The following GRIP1 variants were observed in gnomAD, a reference collection of about 807,000 sequenced individuals.
GRIP1 encodes glutamate receptor interacting protein 1.
Under a neutral mutation model 129.9 loss-of-function variants are expected in GRIP1, and 45 were observed. The ratio of observed to expected loss-of-function variants is 0.35; its 90% CI spans 0.27 to 0.44. GRIP1 has a LOEUF of 0.44. Ranked by LOEUF, GRIP1 falls within the 20% of genes least tolerant of loss-of-function variation. The pLI is 1.00. For synonymous variants in GRIP1, 530 were observed against 520.8 expected, an observed-to-expected ratio of 1.02 and a Z score of -0.24; for missense variants, 1,196 against 1,396.8, an observed-to-expected ratio of 0.86 and a Z score of 2.29.
intron 1 of GRIP1, among the ~76,000 whole-genome samples, chr12:66,949,637 C>CA (rs1293257061): frequency 6.6e-6 from 1 of 151,768 alleles, no homozygotes; most frequent in Non-Finnish European, 1.5e-5. Context: ...AAAGTAGACA[C>CA]AAAAGTGCAT....
intron 7 of GRIP1, among the ~76,000 whole-genome samples, chr12:66,473,684 C>T (rs916235576): frequency 2.0e-5 from 3 of 152,164 alleles, no homozygotes; most frequent in African/African-American, 7.2e-5. Context: ...GATATCCAGG[C>T]AAAGAGGGTC....
At chr12:66,793,418 C>T (rs1033455060) in intron 1 of GRIP1, among the ~76,000 whole-genome samples, 7 of 152,094 alleles carry the variant, frequency 4.6e-5, no homozygotes, top group African/African-American at 1.7e-4. Context: ...CTGTGAATTA[C>T]ATACATCAGT....
chr12:66,745,640 T>C (rs953275734), intron 1 of GRIP1, among the ~76,000 whole-genome samples: 1 of 152,102 alleles, frequency 6.6e-6, no homozygotes, highest in Admixed American at 6.6e-5. Context: ...ACAGAGCAAG[T>C]AGAAGTAAAC....
chr12:66,902,059 G>T (rs2040852338), intron 1 of GRIP1, among the ~76,000 whole-genome samples: 1 of 152,116 alleles, frequency 6.6e-6, no homozygotes, highest in Non-Finnish European at 1.5e-5. Flanking sequence ...ACTGGGCAAG[G>T]GTAACACTGG....
At chr12:66,938,681 A>C (rs998986122) in intron 1 of GRIP1, among the ~76,000 whole-genome samples, 3 of 152,080 alleles carry the variant, frequency 2.0e-5, no homozygotes, top group Non-Finnish European at 4.4e-5. Context: ...GTTTCAGGCC[A>C]GGCATAGTGG....
At chr12:66,385,701 C>T (rs945031271) in intron 19 of GRIP1, among the ~76,000 whole-genome samples, 2 of 152,026 alleles carry the variant, frequency 1.3e-5, no homozygotes, top group African/African-American at 2.4e-5. Context: ...CCTCCACTTC[C>T]CAGGTTCAAG....
chr12:66,978,509 T>A (rs1189778896), intron 1 of GRIP1, among the ~76,000 whole-genome samples: 1 of 152,168 alleles, frequency 6.6e-6, no homozygotes, highest in Admixed American at 6.5e-5. Context: ...AGTAATTATG[T>A]TAACATCTCA....
At chr12:66,918,642 C>A (rs2041165747) in intron 1 of GRIP1, among the ~76,000 whole-genome samples, 1 of 152,146 alleles carries the variant, frequency 6.6e-6, no homozygotes, top group Admixed American at 6.5e-5. Flanking sequence ...ACCATATCAA[C>A]AGGAAGTTTT....
At chr12:66,676,955 A>G (rs1038759980) in intron 1 of GRIP1, among the ~76,000 whole-genome samples, 2 of 152,188 alleles carry the variant, frequency 1.3e-5, no homozygotes, top group Non-Finnish European at 2.9e-5. Flanking sequence ...TGGCAAGGCA[A>G]GGTACCGTGT....
chr12:66,786,189 G>A (rs139146935), intron 1 of GRIP1, among the ~76,000 whole-genome samples: 9 of 152,264 alleles, frequency 5.9e-5, no homozygotes, highest in Admixed American at 4.6e-4. Context: ...AGGTGAAGAC[G>A]ACTAGGAATT....
chr12:66,629,480 C>T (rs1294209837), intron 1 of GRIP1, among the ~76,000 whole-genome samples: 6 of 152,210 alleles, frequency 3.9e-5, no homozygotes, highest in Admixed American at 2.0e-4. Context: ...GCCATGTCTT[C>T]GATGACTGGT....
chr12:66,677,470 A>G (rs1300861817), intron 1 of GRIP1, among the ~76,000 whole-genome samples: 1 of 152,194 alleles, frequency 6.6e-6, no homozygotes, highest in Non-Finnish European at 1.5e-5. Context: ...GCCTGCCTTT[A>G]AAAGTCTCAG....
At chr12:66,892,391 A>G (rs2040675359) in intron 1 of GRIP1, among the ~76,000 whole-genome samples, 1 of 152,128 alleles carries the variant, frequency 6.6e-6, no homozygotes, top group Admixed American at 6.5e-5. Flanking sequence ...AAAATGTTTT[A>G]TTTAGAAATA....
chr12:66,776,031 C>G (rs2136754252), intron 1 of GRIP1, among the ~76,000 whole-genome samples: 1 of 152,314 alleles, frequency 6.6e-6, no homozygotes, highest in Non-Finnish European at 1.5e-5. Context: ...TGCTCAGACT[C>G]CTGACCCAGC....
In GRIP1 at chr12:66,459,137, G is replaced by T. The variant is rs564913782; in HGVS notation, c.1043-2795C>A. Among the ~76,000 whole-genome samples the T allele has an allele frequency of 3.9e-5, 6 of 152,274 alleles. No individual in the cohort carries two copies. In the South Asian group the frequency reaches 1.0e-3, roughly 26 times the overall value. ...CTCACTAAATATATCCTAGCAACTA[G>T]AACAGTGCCTGGTATATAATGACTA... On this transcript the variant is annotated intron_variant, in intron 9 of 24. Coordinates refer to ENST00000359742, the MANE Select transcript of GRIP1 (RefSeq NM_001366722.1).
At chr12:66,424,736 TG>T (rs1439890170) in intron 14 of GRIP1, among the ~76,000 whole-genome samples, 1 of 152,214 alleles carries the variant, frequency 6.6e-6, no homozygotes, top group East Asian at 1.9e-4. Context: ...TCTGATGTCT[TG>T]ATGTTTTTGT....
chr12:66,916,834 G>T (rs190145960), intron 1 of GRIP1, among the ~76,000 whole-genome samples: 361 of 152,154 alleles, frequency 2.4e-3, no homozygotes, highest in Middle Eastern at 0.01. Context: ...GGATTGAAAG[G>T]CATTTACCCT....
intron 2 of GRIP1, among the ~76,000 whole-genome samples, chr12:66,578,345 T>C (rs2063221640): frequency 6.7e-6 from 1 of 148,480 alleles, no homozygotes; most frequent in Admixed American, 6.9e-5. Context: ...AGACGGGTGA[T>C]TTCTGCATTT....
intron 1 of GRIP1, among the ~76,000 whole-genome samples, chr12:66,598,148 T>C (rs2064128682): frequency 6.6e-6 from 1 of 152,198 alleles, no homozygotes; most frequent in South Asian, 2.1e-4. Context: ...CCTTATCATC[T>C]GAGAATATTA....
Sources: gnomAD v4.1 joint callset for allele counts (sites outside exome capture counted in the v4.1 genomes callset) on GRCh38, gnomAD v4.1.1 for gene constraint, MANE v1.5 for transcripts, NCBI Gene and HGNC (gene_info 2026-07-23, HGNC 2026-07-21) for gene names.